RTN4: variants seen among roughly 807,000 people sequenced by gnomAD.
RTN4 encodes reticulon 4.
A neutral mutation model predicts 90.4 loss-of-function variants in RTN4; 32 were observed. The ratio of observed to expected loss-of-function variants is 0.35; its 90% confidence interval spans 0.27 to 0.48. The LOEUF (loss-of-function observed/expected upper bound fraction) is 0.48, where lower values mean the gene tolerates loss of function less well. RTN4 is among the 20% of genes least tolerant of loss of function. The pLI is 0.99. For synonymous variants in RTN4, 629 were observed against 552.5 expected (o/e 1.14, Z -1.94); for missense variants, 1,706 against 1,430.2 (o/e 1.19, Z -3.11).
At chr2:55,007,241 T>TAA (rs1680294605) in intron 3 of RTN4, among the ~76,000 whole-genome samples, 2 of 152,080 alleles carry the variant, frequency 1.3e-5, no homozygotes, top group African/African-American at 4.8e-5. Context: ...TGCCGCTTCT[T>TAA]CTTCCTTCCT....
At chr2:55,111,458 C>T (rs987382576) in intron 1 of RTN4, among the ~76,000 whole-genome samples, 2 of 152,230 alleles carry the variant, frequency 1.3e-5, no homozygotes, top group African/African-American at 4.8e-5. Context: ...TGACACCTTA[C>T]TCAACCTCAG....
Position 55,050,041 on chromosome 2 carries a change from G to T in RTN4, c.260C>A (p.Pro87Gln). The T allele has an allele frequency of 7.1e-7, 1 of 1,406,474 alleles. No individual in the cohort carries two copies. The highest frequency in any genetic ancestry group is 3.2e-5 in the Admixed American group (1 of 31,538). 87.1% of individuals were successfully genotyped at this position (1,406,474 alleles called of 1,614,324 possible). The change falls in exon 1 of 9, where the codon CCG becomes CAG. Residue 87 changes from proline to glutamine, a missense_variant. Pro to Gln is a moderately conservative substitution (Grantham distance 76). Coordinates refer to ENST00000337526, the MANE Select transcript of RTN4 (RefSeq NM_020532.5). This position sits in a 1 kb window ranked among gnomAD's most constrained non-coding sequence, Gnocchi z 4.6. The stretch of plus-strand genomic sequence containing the variant: ...CGGCAGGGGTCCCCGGGGCGCCGGC[G>T]GCACGAAGTCATTTCCGAAGTCCAT... ...PLMDFGNDFV[P>Q]PAPRGPLPAA...
Position 54,973,641 on chromosome 2 carries a change from G to GAATT in RTN4, c.3478-24_3478-21dup. The GAATT allele has an allele frequency of 6.3e-7, 1 of 1,592,172 alleles. No individual in the cohort carries two copies. The highest frequency in any genetic ancestry group is 8.6e-7 in the Non-Finnish European group (1 of 1,160,308). On this transcript the variant is annotated intron_variant, in intron 7 of 8. Transcript: ENST00000337526. The stretch of plus-strand genomic sequence containing the variant: ...CTGTGCCTGAAAGAGAGGTATAAAG[G>GAATT]AATTATTACCGTTGCTAAAGAATCT...
intron 3 of RTN4, among the ~76,000 whole-genome samples, chr2:54,998,464 T>C (rs1161799488): frequency 1.3e-5 from 2 of 152,204 alleles, no homozygotes; most frequent in African/African-American, 4.8e-5. Flanking sequence ...CTAATTCTAA[T>C]TGATTTATTT....
At chr2:55,002,459 C>A (rs1020325805) in intron 3 of RTN4, among the ~76,000 whole-genome samples, 1 of 152,154 alleles carries the variant, frequency 6.6e-6, no homozygotes, top group African/African-American at 2.4e-5. Flanking sequence ...AAGGATAACA[C>A]GAATTTCTCT....
At chr2:55,004,238 T>A (rs1680048827) in intron 3 of RTN4, among the ~76,000 whole-genome samples, 1 of 152,196 alleles carries the variant, frequency 6.6e-6, no homozygotes, top group Non-Finnish European at 1.5e-5. Flanking sequence ...GTATACGACA[T>A]TCAATAACAT....
At chr2:54,973,797 G>A (rs752465421) in intron 7 of RTN4, 24 bp downstream of exon 7, 1 of 1,607,642 alleles carries the variant, frequency 6.2e-7, no homozygotes. Flanking sequence ...CTATTCTGAA[G>A]TCAGCAGTTA....
chr2:55,047,254 T>G (rs1417157727), intron 1 of RTN4, among the ~76,000 whole-genome samples: 1 of 148,872 alleles, frequency 6.7e-6, no homozygotes, highest in Non-Finnish European at 1.5e-5. Flanking sequence ...CACTTGAACC[T>G]GGGAGGCGGA....
chr2:55,108,207 G>T (rs181805293), intron 1 of RTN4, among the ~76,000 whole-genome samples: 2 of 152,008 alleles, frequency 1.3e-5, no homozygotes, highest in Non-Finnish European at 2.9e-5. Flanking sequence ...CACCTGCCTC[G>T]GCCTCCCAAA....
upstream of RTN4, among the ~76,000 whole-genome samples, chr2:55,052,121 T>C (rs1558858682): frequency 6.6e-6 from 1 of 152,216 alleles, no homozygotes. Context: ...TTCTGTATTA[T>C]CCTGTAATGG....
intron 1 of RTN4, among the ~76,000 whole-genome samples, chr2:55,093,645 G>A (rs1265412456): frequency 2.0e-5 from 3 of 152,214 alleles, no homozygotes; most frequent in Middle Eastern, 3.4e-3. Flanking sequence ...CTCCCTCCAC[G>A]AGGCCAGGGG....
intron 2 of RTN4, among the ~76,000 whole-genome samples, chr2:55,059,417 G>A (rs940757500): frequency 1.4e-4 from 22 of 151,828 alleles, no homozygotes; most frequent in African/African-American, 4.8e-4. Context: ...GCAGTGGTGC[G>A]ATCACGGCTC....
chr2:55,002,705 T>C (rs766059936), intron 3 of RTN4, among the ~76,000 whole-genome samples: 3 of 152,210 alleles, frequency 2.0e-5, no homozygotes, highest in South Asian at 2.1e-4. Flanking sequence ...AATTTCATTT[T>C]CTCTAAGGTA....
intron 1 of RTN4, among the ~76,000 whole-genome samples, chr2:55,093,129 A>G (rs954100606): frequency 6.6e-6 from 1 of 152,296 alleles, no homozygotes; most frequent in African/African-American, 2.4e-5. Context: ...ATAGCTTATG[A>G]TGCACATTCG....
At chr2:55,070,862 T>C (rs1668498915) in intron 2 of RTN4, among the ~76,000 whole-genome samples, 1 of 151,638 alleles carries the variant, frequency 6.6e-6, no homozygotes, top group Admixed American at 6.6e-5. Flanking sequence ...CTGCAAGCTC[T>C]GTCTCCCGGG....
At chr2:55,136,604 G>A in the RTN4 span, among the ~76,000 whole-genome samples, 1 of 152,212 alleles carries the variant, frequency 6.6e-6, no homozygotes, top group African/African-American at 2.4e-5. Flanking sequence ...GAATCAAGCT[G>A]CCACAGACCC....
At chr2:55,053,354 T>C (rs995130406), upstream of RTN4, among the ~76,000 whole-genome samples, 12 of 152,198 alleles carry the variant, frequency 7.9e-5, no homozygotes, top group Non-Finnish European at 1.8e-4. Context: ...TAGATACTAA[T>C]AATAGTTTTA....
intron 6 of RTN4, 94 bp downstream of exon 6, chr2:54,974,601 T>C (rs1677455522): frequency 3.7e-6 from 4 of 1,088,432 alleles, no homozygotes; most frequent in Non-Finnish European, 5.6e-6. Flanking sequence ...TCCCCTACTT[T>C]TCATACAATG....
chr2:54,995,401 A>G (rs1263073182), intron 3 of RTN4, among the ~76,000 whole-genome samples: 1 of 152,150 alleles, frequency 6.6e-6, no homozygotes, highest in African/African-American at 2.4e-5. Context: ...CAAGGAACAA[A>G]TGTCTGCAAA....
Sources: allele counts gnomAD v4.1 joint callset (sites outside exome capture counted in the v4.1 genomes callset), GRCh38; gene constraint gnomAD v4.1.1; non-coding constraint Gnocchi (gnomAD v3.1); transcripts MANE v1.5; gene names NCBI Gene and HGNC (gene_info 2026-07-23, HGNC 2026-07-21).